Variants in CHLSN observed in about 807,000 individuals in gnomAD.
CHLSN encodes the protein protein cholesin.
chr7:1,131,655 A>G, the CHLSN span, among the ~76,000 whole-genome samples: 1 of 152,248 alleles, frequency 6.6e-6, no homozygotes, highest in Non-Finnish European at 1.5e-5. Flanking sequence ...CTCTGGAAAG[A>G]CAAGAGACCA....
At chr7:1,007,331 A>C in the CHLSN span, among the ~76,000 whole-genome samples, 2 of 152,260 alleles carry the variant, frequency 1.3e-5, no homozygotes, top group African/African-American at 4.8e-5. Context: ...CAGGGGGAGG[A>C]CAACTCGGGC....
chr7:1,074,856 T>G, the CHLSN span: 1 of 152,382 alleles, frequency 6.6e-6, no homozygotes, highest in Admixed American at 6.5e-5. Flanking sequence ...GCTCTGGCCT[T>G]CCTCCTCTCA....
chr7:996,372 G>C, the CHLSN span, among the ~76,000 whole-genome samples: 1 of 152,256 alleles, frequency 6.6e-6, no homozygotes, highest in African/African-American at 2.4e-5. Context: ...GCACCCAAGG[G>C]GGCACTCAGG....
the CHLSN span, chr7:986,892 C>T: frequency 7.3e-7 from 1 of 1,374,510 alleles, no homozygotes; most frequent in African/African-American, 1.5e-5. Flanking sequence ...ACCGGTCCTG[C>T]ACCAAGCTCC....
At chr7:1,126,359 CAAAAAAA>C in the CHLSN span, among the ~76,000 whole-genome samples, 5 of 40,488 alleles carry the variant, frequency 1.2e-4, no homozygotes, top group Non-Finnish European at 1.9e-4. Flanking sequence ...GACTCTGTCT[CAAAAAAA>C]AAAAAAAAAA....
chr7:1,094,456 A>G, the CHLSN span, among the ~76,000 whole-genome samples: 1 of 152,264 alleles, frequency 6.6e-6, no homozygotes, highest in African/African-American at 2.4e-5. Context: ...GTGATAACAT[A>G]AAGTTTGATA....
the CHLSN span, among the ~76,000 whole-genome samples, chr7:1,098,540 G>A: frequency 4.6e-5 from 7 of 152,214 alleles, no homozygotes; most frequent in Admixed American, 6.5e-5. Context: ...AAGCAGACAC[G>A]AGTGGAGACG....
At chr7:1,027,752 C>T in the CHLSN span, among the ~76,000 whole-genome samples, 22 of 151,756 alleles carry the variant, frequency 1.4e-4, no homozygotes, top group Admixed American at 2.6e-4. Flanking sequence ...GGGTCCTCTA[C>T]CCCGGCACAG....
the CHLSN span, among the ~76,000 whole-genome samples, chr7:1,126,187 C>T: frequency 1.3e-5 from 2 of 150,880 alleles, no homozygotes; most frequent in Non-Finnish European, 1.5e-5. Context: ...GGTGAAACCC[C>T]GTCTCTACTA....
the CHLSN span, among the ~76,000 whole-genome samples, chr7:1,041,228 C>T: frequency 6.2e-5 from 9 of 145,586 alleles, no homozygotes; most frequent in East Asian, 2.0e-4. Flanking sequence ...ACCTGGGCTC[C>T]GCGCTGCGGG....
At chr7:1,032,061 G>A in the CHLSN span, among the ~76,000 whole-genome samples, 6 of 152,128 alleles carry the variant, frequency 3.9e-5, no homozygotes, top group East Asian at 1.2e-3. Flanking sequence ...ATTCAAAAAA[G>A]ACATAACTAT....
chr7:1,136,482 A>C, the CHLSN span, among the ~76,000 whole-genome samples: 1 of 124,704 alleles, frequency 8.0e-6, no homozygotes, highest in Non-Finnish European at 1.6e-5. Flanking sequence ...AAATATATAA[A>C]CATATATAAA....
chr7:1,092,465 G>A, the CHLSN span: 38 of 1,607,882 alleles, frequency 2.4e-5, no homozygotes, highest in African/African-American at 2.7e-5. Context: ...AGGGCGCACC[G>A]GCACCGTGGG....
At chr7:994,001 G>A in the CHLSN span, among the ~76,000 whole-genome samples, 2 of 152,098 alleles carry the variant, frequency 1.3e-5, no homozygotes, top group Non-Finnish European at 2.9e-5. Context: ...GCTGTGAGAG[G>A]TCTCCAGCCT....
At chr7:1,014,541 T>C in the CHLSN span, among the ~76,000 whole-genome samples, 1 of 152,232 alleles carries the variant, frequency 6.6e-6, no homozygotes, top group African/African-American at 2.4e-5. Context: ...GTGGGTAACG[T>C]GCTAGTCATA....
chr7:1,043,382 G>A, the CHLSN span: 1 of 152,258 alleles, frequency 6.6e-6, no homozygotes, highest in African/African-American at 2.4e-5. Flanking sequence ...AATCCATAAA[G>A]TAATGGCATA....
At chr7:1,054,206 T>C in the CHLSN span, among the ~76,000 whole-genome samples, 3 of 152,172 alleles carry the variant, frequency 2.0e-5, no homozygotes, top group African/African-American at 4.8e-5. Flanking sequence ...AGGGAGAATG[T>C]TGGGGCCAAC....
At chr7:1,100,015 C>T in the CHLSN span, among the ~76,000 whole-genome samples, 1 of 152,196 alleles carries the variant, frequency 6.6e-6, no homozygotes, top group Non-Finnish European at 1.5e-5. Context: ...ATCCACTTCT[C>T]ATTTAAGAGG....
At chr7:1,044,146 G>A in the CHLSN span, among the ~76,000 whole-genome samples, 34 of 152,320 alleles carry the variant, frequency 2.2e-4, no homozygotes, top group African/African-American at 8.2e-4. Flanking sequence ...AAGAAAGAGG[G>A]GCAGGTGTAC....
Sources: gnomAD v4.1 joint callset for allele counts (sites outside exome capture counted in the v4.1 genomes callset) on GRCh38, gnomAD v4.1.1 for gene constraint, MANE v1.5 for transcripts, NCBI Gene and HGNC (gene_info 2026-07-23, HGNC 2026-07-21) for gene names.